Variants in TLN2 observed in about 807,000 individuals in gnomAD.
TLN2 encodes the protein talin 2, also known as talin-2.
TLN2 carries 118 observed loss-of-function variants against 294.7 expected under a neutral mutation model. The ratio of observed to expected loss-of-function variants is 0.40; its 90% CI spans 0.34 to 0.47. The LOEUF (loss-of-function observed/expected upper bound fraction) is 0.47. Ranked by LOEUF, TLN2 falls within the 20% of genes least tolerant of loss-of-function variation. The pLI is 0.84. For missense variants in TLN2, 3,083 were observed against 3,282.2 expected (o/e 0.94, Z 1.48); for synonymous variants, 1,431 against 1,304.5 (o/e 1.10, Z -2.09).
chr15:62,429,625 A>G (rs1178170653), intron 1 of TLN2, among the ~76,000 whole-genome samples: 1 of 152,214 alleles, frequency 6.6e-6, no homozygotes, highest in Admixed American at 6.5e-5. Context: ...TTCTTTAGAC[A>G]TGCCAACAGG....
intron 3 of TLN2, among the ~76,000 whole-genome samples, chr15:62,641,646 A>C (rs1294773920): frequency 2.0e-5 from 2 of 99,368 alleles, no homozygotes; most frequent in East Asian, 5.8e-4. Flanking sequence ...AAAAAAAATA[A>C]TAATAACAAG....
At chr15:62,792,988 T>C (rs1426335443) in intron 46 of TLN2, among the ~76,000 whole-genome samples, 1 of 152,142 alleles carries the variant, frequency 6.6e-6, no homozygotes, top group Non-Finnish European at 1.5e-5. Flanking sequence ...CCCAGAGAAT[T>C]TGAGGGCTTA....
intron 43 of TLN2, among the ~76,000 whole-genome samples, chr15:62,778,954 G>T (rs1447022228): frequency 6.6e-6 from 1 of 152,206 alleles, no homozygotes; most frequent in Non-Finnish European, 1.5e-5. Context: ...CAGGTCCTTT[G>T]GGTCCCTGTG....
chr15:62,792,116 A>C (rs2221073), intron 45 of TLN2, among the ~76,000 whole-genome samples: 1 of 152,158 alleles, frequency 6.6e-6, no homozygotes, highest in Admixed American at 6.5e-5. Flanking sequence ...GGGGTGTTCT[A>C]GTTGGTAAAC....
intron 1 of TLN2, among the ~76,000 whole-genome samples, chr15:62,492,149 C>T (rs1039648840): frequency 2.0e-5 from 3 of 151,698 alleles, no homozygotes; most frequent in African/African-American, 7.3e-5. Context: ...AGATTTAGTC[C>T]AGTAAAAGAA....
rs1474326072 is a variant in TLN2 at position 62,843,770 on chromosome 15, AC to A, written c.*3162del. On this transcript the variant is annotated 3_prime_UTR_variant, in exon 59 of 59. Coordinates refer to ENST00000636159, the MANE Select transcript of TLN2 (RefSeq NM_015059.3). ...CCTCCAAAGTGATGCCAAGGCCAAA[AC>A]CTCATCAAGGAACCAGACACAGGTC... The A allele has an allele frequency of 1.3e-5, 2 of 152,132 alleles. No individual in the cohort carries two copies. Among genetic ancestry groups the A allele is most frequent in the Admixed American group, 1.3e-4 (2 of 15,284 alleles). The allele number at this position is 152,132 out of a possible 1,614,324, so 9.4% of individuals were successfully genotyped here. A position where few individuals can be genotyped will look rare whatever the true frequency, so the allele number is the denominator to read the frequency against.
chr15:62,553,214 G>A lies in TLN2; in HGVS notation c.-237-36473G>A, dbSNP rs560804431. 6.6e-5 allele frequency among the ~76,000 whole-genome samples: 10 copies of A among 152,146 alleles called. No individual in the cohort carries two copies. The South Asian group carries it at 2.1e-3, about 32-fold the overall frequency. ...TTTCATATTATTTAAGAATAATGGCGGCTGGGCACAGTGGCTCACTCCTGT... is the reference window on the plus strand; with the variant it reads ...TTTCATATTATTTAAGAATAATGGCAGCTGGGCACAGTGGCTCACTCCTGT... On this transcript the variant is annotated intron_variant, in intron 1 of 58. Transcript: ENST00000636159.
chr15:62,727,537 A>G (rs2060504971), intron 28 of TLN2, among the ~76,000 whole-genome samples: 1 of 152,230 alleles, frequency 6.6e-6, no homozygotes, highest in Non-Finnish European at 1.5e-5. Context: ...ATGTCAATGG[A>G]ATGTGTGAAA....
intron 1 of TLN2, among the ~76,000 whole-genome samples, chr15:62,534,694 A>G (rs541935680): frequency 4.7e-4 from 71 of 152,048 alleles, no homozygotes; most frequent in African/African-American, 1.7e-3. Flanking sequence ...ATCAGTCCCA[A>G]CCTTCTCATC....
chr15:62,577,939 C>T (rs1051669164), intron 1 of TLN2, among the ~76,000 whole-genome samples: 2 of 152,128 alleles, frequency 1.3e-5, no homozygotes, highest in Non-Finnish European at 2.9e-5. Flanking sequence ...TGAGAACATG[C>T]AGTGTTTGGT....
At chr15:62,660,223 A>G (rs540143090) in intron 9 of TLN2, among the ~76,000 whole-genome samples, 1 of 152,182 alleles carries the variant, frequency 6.6e-6, no homozygotes, top group Non-Finnish European at 1.5e-5. Flanking sequence ...CGAAGTTGCA[A>G]TATGGACATT....
chr15:62,741,748 C>CGCGCGTGTGTGTGTGT lies in TLN2; in HGVS notation c.4025+980_4025+981insCGCGTGTGTGTGTGTG. On this transcript the variant is annotated intron_variant, in intron 32 of 58. Coordinates refer to ENST00000636159, the MANE Select transcript of TLN2 (RefSeq NM_015059.3). ...TTAACTTGGTTTTTTAAAATTTGCG[C>CGCGCGTGTGTGTGTGT]GTGTGTGTGTGTGTGTGTGTCTTTA... Among the ~76,000 whole-genome samples, 632 of 131,142 alleles carry CGCGCGTGTGTGTGTGT rather than the reference C, an allele frequency of 4.8e-3. 12 individuals carry two copies. The highest frequency in any genetic ancestry group is 0.034 in the East Asian group (141 of 4,178). The allele number at this position is 131,142 out of a possible 152,430, so 86.0% of individuals were successfully genotyped here. A position where few individuals can be genotyped will look rare whatever the true frequency, so the allele number is the denominator to read the frequency against.
At chr15:62,814,834 A>T (rs1374478960) in intron 52 of TLN2, among the ~76,000 whole-genome samples, 2 of 152,216 alleles carry the variant, frequency 1.3e-5, no homozygotes, top group Admixed American at 1.3e-4. Flanking sequence ...AGTTAGCTTT[A>T]ACTCCTAGAA....
intron 40 of TLN2, among the ~76,000 whole-genome samples, chr15:62,764,086 G>A (rs1249696209): frequency 6.6e-6 from 1 of 152,178 alleles, no homozygotes; most frequent in African/African-American, 2.4e-5. Flanking sequence ...GTGCTTTTTA[G>A]TTAGTTGGCC....
chr15:62,654,996 G>A (rs559644799), intron 7 of TLN2, among the ~76,000 whole-genome samples: 46 of 151,652 alleles, frequency 3.0e-4, no homozygotes, highest in African/African-American at 9.9e-4. Flanking sequence ...TGGCTGTATC[G>A]GGATGACATC....
At chr15:62,547,491 G>A (rs1165269709) in intron 1 of TLN2, among the ~76,000 whole-genome samples, 1 of 152,174 alleles carries the variant, frequency 6.6e-6, no homozygotes, top group African/African-American at 2.4e-5. Flanking sequence ...CCCAACCTCT[G>A]TTTATTCATG....
chr15:62,779,073 T>C (rs947260954), intron 43 of TLN2, among the ~76,000 whole-genome samples: 12 of 152,258 alleles, frequency 7.9e-5, no homozygotes, highest in Non-Finnish European at 1.3e-4. Flanking sequence ...CAGTGAATTA[T>C]AGAAAAACCT....
At chr15:62,733,041 T>G (rs1227246353) in intron 28 of TLN2, among the ~76,000 whole-genome samples, 1 of 152,132 alleles carries the variant, frequency 6.6e-6, no homozygotes, top group African/African-American at 2.4e-5. Flanking sequence ...TGATAATGAT[T>G]GGAAGTAGAT....
In TLN2 at chr15:62,702,784, A is replaced by G. The variant is rs763427386; in HGVS notation, c.1924A>G (p.Thr642Ala). ...TTCACAGCCTCGACAGACAGTTTTGACTGCTGCTGGCAGCATCGGACAAGC... is the reference window on the plus strand; with the variant it reads ...TTCACAGCCTCGACAGACAGTTTTGGCTGCTGCTGGCAGCATCGGACAAGC... Reference protein sequence around the residue: ...TSGEPRQTVLTAAGSIGQASG... With the variant: ...TSGEPRQTVLAAAGSIGQASG... Residue 642 changes from threonine to alanine, a missense_variant, in exon 19 of 59, where the codon ACT (threonine) becomes GCT (alanine). Physicochemically the swap from Thr to Ala is moderately conservative, Grantham distance 58 (BLOSUM62 0). Coordinates refer to ENST00000636159, the MANE Select transcript of TLN2 (RefSeq NM_015059.3). The G allele has an allele frequency of 1.3e-5, 21 of 1,614,178 alleles. No homozygotes were observed. Among genetic ancestry groups the G allele is most frequent in the Admixed American group, 5.0e-5 (3 of 60,030 alleles).
Sources: allele counts gnomAD v4.1 joint callset (sites outside exome capture counted in the v4.1 genomes callset), GRCh38; gene constraint gnomAD v4.1.1; transcripts MANE v1.5; gene names NCBI Gene and HGNC (gene_info 2026-07-23, HGNC 2026-07-21).